KIAA0232: variants seen among roughly 807,000 people sequenced by gnomAD.
KIAA0232 encodes the protein uncharacterized protein KIAA0232.
Under a neutral mutation model 122.0 loss-of-function variants are expected in KIAA0232, and 27 were observed. The observed-to-expected ratio is 0.22, with a 90% CI of 0.16 to 0.31. The LOEUF (loss-of-function observed/expected upper bound fraction) is 0.31, where lower values mean the gene tolerates loss of function less well. Among genes scored for constraint, KIAA0232 ranks in the 10% least tolerant of loss-of-function variants. The pLI, the probability that KIAA0232 is intolerant of heterozygous loss-of-function variation, is 1.00. For synonymous variants in KIAA0232, 613 were observed against 587.6 expected, an observed-to-expected ratio of 1.04 and a Z score of -0.63; for missense variants, 1,551 against 1,634.2, an observed-to-expected ratio of 0.95 and a Z score of 0.88.
intron 2 of KIAA0232, among the ~76,000 whole-genome samples, chr4:6,808,210 A>C (rs1263317427): frequency 6.6e-6 from 1 of 152,074 alleles, no homozygotes; most frequent in Non-Finnish European, 1.5e-5. Context: ...CCAGAGTCTT[A>C]ATATTTCAAA....
chr4:6,882,724 A>G lies in KIAA0232; in HGVS notation c.*1758A>G, dbSNP rs1722146974. 1 of 152,562 alleles carries G rather than the reference A, an allele frequency of 6.6e-6. No homozygotes were observed. The highest frequency in any genetic ancestry group is 1.5e-5 in the Non-Finnish European group (1 of 68,038). The allele number at this position is 152,562 out of a possible 1,614,324, so 9.5% of individuals were successfully genotyped here. The stretch of plus-strand genomic sequence containing the variant: ...ACGAACTTCAGATACGTTTTTATGT[A>G]TTTTTCATTCTTCTGGAGCTTCCTA... On this transcript the variant is annotated 3_prime_UTR_variant, in exon 10 of 10. Transcript: ENST00000307659.
rs537508299 is a variant in KIAA0232 at position 6,810,842 on chromosome 4, A to G, written c.-270+6236A>G. Among the ~76,000 whole-genome samples the G allele has an allele frequency of 1.1e-3, 167 of 152,342 alleles. 1 individual carries two copies. The highest frequency in any genetic ancestry group is 3.8e-3 in the African/African-American group (157 of 41,598). ...CGTATATGAAGAAAAGCTCAGCATC[A>G]CCAGTCATCAGAGAAATGCAAACCA... On this transcript the variant is annotated intron_variant, in intron 2 of 9. Coordinates refer to ENST00000307659, the MANE Select transcript of KIAA0232 (RefSeq NM_014743.3).
chr4:6,851,375 A>T (rs558131919), intron 4 of KIAA0232, among the ~76,000 whole-genome samples: 1 of 152,344 alleles, frequency 6.6e-6, no homozygotes, highest in South Asian at 2.1e-4. Context: ...TGCCATCTCC[A>T]TATGAAAGTA....
chr4:6,856,934 A>AT (rs1410909680), intron 4 of KIAA0232, among the ~76,000 whole-genome samples: 5 of 152,348 alleles, frequency 3.3e-5, no homozygotes, highest in African/African-American at 7.2e-5. Context: ...ATATGTTCAC[A>AT]TTTTATCACT....
intron 1 of KIAA0232, among the ~76,000 whole-genome samples, chr4:6,802,546 C>A (rs1363357782): frequency 6.6e-6 from 1 of 151,332 alleles, no homozygotes; most frequent in African/African-American, 2.4e-5. Flanking sequence ...CAACCCCCCC[C>A]AACCCACCAG....
At chr4:6,799,685 T>G (rs907467550) in intron 1 of KIAA0232, among the ~76,000 whole-genome samples, 1 of 151,772 alleles carries the variant, frequency 6.6e-6, no homozygotes, top group Non-Finnish European at 1.5e-5. Context: ...ATTAGTTGGG[T>G]TTTTTTGTTT....
intron 2 of KIAA0232, among the ~76,000 whole-genome samples, chr4:6,813,627 G>A (rs28437520): frequency 0.015 from 2,348 of 152,248 alleles, 20 homozygotes; most frequent in Non-Finnish European, 0.025. Flanking sequence ...CTCCCAAAGT[G>A]CTGGGATTAC....
intron 3 of KIAA0232, among the ~76,000 whole-genome samples, chr4:6,824,904 T>C (rs1205475251): frequency 1.3e-5 from 2 of 152,234 alleles, no homozygotes. Context: ...AGTTAGACTT[T>C]CTCACTGTTG....
At chr4:6,823,294 A>G (rs1306171641) in intron 2 of KIAA0232, among the ~76,000 whole-genome samples, 2 of 152,182 alleles carry the variant, frequency 1.3e-5, no homozygotes, top group Non-Finnish European at 2.9e-5. Flanking sequence ...GTATATACCC[A>G]GTAATGGGAT....
intron 4 of KIAA0232, among the ~76,000 whole-genome samples, chr4:6,844,576 C>T (rs1324261488): frequency 6.6e-6 from 1 of 152,112 alleles, no homozygotes; most frequent in Non-Finnish European, 1.5e-5. Context: ...GCTGGGATTG[C>T]AGGCATCCGC....
intron 2 of KIAA0232, among the ~76,000 whole-genome samples, chr4:6,806,737 CAAAAAAAAAAAAAA>C (rs34146483): frequency 1.0e-4 from 5 of 47,642 alleles, no homozygotes; most frequent in African/African-American, 1.7e-4. Context: ...GACTCCCTCT[CAAAAAAAAAAAAAA>C]AAAAAAAAAA....
At chr4:6,857,596 CTG>C (rs1362144399) in intron 5 of KIAA0232, among the ~76,000 whole-genome samples, 1 of 152,178 alleles carries the variant, frequency 6.6e-6, no homozygotes, top group Non-Finnish European at 1.5e-5. Flanking sequence ...CCTTGCCCCT[CTG>C]TTAATATCTG....
Position 6,861,430 on chromosome 4 carries a change from A to C in KIAA0232, c.1048A>C (p.Ser350Arg). ...GGCTGAAAGGAACATTCATACTGGAAGTAGTAGCAGTAGCAGCAGTGGTTC... is the reference window on the plus strand; with the variant it reads ...GGCTGAAAGGAACATTCATACTGGACGTAGTAGCAGTAGCAGCAGTGGTTC... ...EKAERNIHTG[S>R]SSSSSSGSVK... is the part of the protein sequence containing the mutation. Residue 350 changes from serine (S) to arginine (R), a missense_variant, in exon 7 of 10, where the codon AGT becomes CGT. This residue lies in a region of KIAA0232 where 377 missense variants were observed against 381.7 expected (regional missense o/e 0.99). Coordinates refer to ENST00000307659, the MANE Select transcript of KIAA0232 (RefSeq NM_014743.3). 6.2e-7 allele frequency: 1 copy of C among 1,614,240 alleles called. No individual in the cohort carries two copies. Among genetic ancestry groups the C allele is most frequent in the Middle Eastern group, 1.6e-4 (1 of 6,062 alleles).
chr4:6,794,785 C>T (rs910889901), intron 1 of KIAA0232, among the ~76,000 whole-genome samples: 6 of 152,068 alleles, frequency 3.9e-5, no homozygotes, highest in African/African-American at 1.4e-4. Context: ...GCCATCATAG[C>T]GTGGGGTTGC....
chr4:6,797,854 A>G (rs1717202134), intron 1 of KIAA0232, among the ~76,000 whole-genome samples: 1 of 151,874 alleles, frequency 6.6e-6, no homozygotes, highest in African/African-American at 2.4e-5. Flanking sequence ...GGCGGATCAC[A>G]AGGTCAAGAG....
chr4:6,857,330 G>C, intron 5 of KIAA0232, 100 bp downstream of exon 5: 1 of 1,034,752 alleles, frequency 9.7e-7, no homozygotes, highest in South Asian at 1.7e-5. Context: ...AAAACAACCA[G>C]AACAAAGTCT....
At chr4:6,870,044 G>T (rs1167353418) in intron 7 of KIAA0232, among the ~76,000 whole-genome samples, 1 of 152,206 alleles carries the variant, frequency 6.6e-6, no homozygotes, top group Non-Finnish European at 1.5e-5. Flanking sequence ...ACTCTCTCAG[G>T]CACAGTGAGG....
At chr4:6,827,243 C>T (rs1236902474) in intron 3 of KIAA0232, among the ~76,000 whole-genome samples, 1 of 152,192 alleles carries the variant, frequency 6.6e-6, no homozygotes, top group Non-Finnish European at 1.5e-5. Context: ...CGTGAAGTTA[C>T]AGTCCCTTGT....
At position 6,833,884 on chromosome 4, in the gene KIAA0232, T is replaced by C. The variant is rs1577382369; in HGVS notation, c.232-8183T>C. On this transcript the variant is annotated intron_variant, in intron 3 of 9. Coordinates refer to ENST00000307659, the MANE Select transcript of KIAA0232 (RefSeq NM_014743.3). ...TCCTTTAATACCACCTTGACTTTTA[T>C]CCCAAGTGACTTTCAGACCTGCAGT... 3.9e-5 allele frequency among the ~76,000 whole-genome samples: 6 copies of C among 152,192 alleles called. No individual in the cohort carries two copies. In the East Asian group the frequency reaches 1.2e-3, roughly 29 times the overall value.
Sources: allele counts gnomAD v4.1 joint callset (sites outside exome capture counted in the v4.1 genomes callset), GRCh38; gene constraint gnomAD v4.1.1; regional missense constraint gnomAD v4.1.1; transcripts MANE v1.5; gene names NCBI Gene and HGNC (gene_info 2026-07-23, HGNC 2026-07-21).